The following HPSE2 variants were observed in gnomAD, a reference collection of about 807,000 sequenced individuals.
HPSE2 encodes inactive heparanase-2.
A neutral mutation model predicts 60.5 loss-of-function variants in HPSE2; 38 were observed. That is an observed-to-expected ratio of 0.63 (90% CI 0.48 to 0.82). HPSE2 has a LOEUF of 0.82. HPSE2 is among the 40% of genes least tolerant of loss of function. HPSE2 has a pLI of 0.00. For synonymous variants in HPSE2, 295 were observed against 293.2 expected (o/e 1.01, Z -0.06); for missense variants, 713 against 740.4 (o/e 0.96, Z 0.43).
chr10:99,230,151 T>C (rs1420933232), intron 2 of HPSE2, among the ~76,000 whole-genome samples: 1 of 152,194 alleles, frequency 6.6e-6, no homozygotes, highest in East Asian at 1.9e-4. Context: ...AACAGATTAG[T>C]GTCTGGAAGG....
chr10:99,261,917 T>C, the HPSE2 span, among the ~76,000 whole-genome samples: 3 of 152,160 alleles, frequency 2.0e-5, no homozygotes, highest in South Asian at 4.1e-4. Context: ...CCGGGATTTC[T>C]CCTCAGCTGT....
At chr10:98,578,957 T>C (rs889647873) in intron 9 of HPSE2, among the ~76,000 whole-genome samples, 1 of 152,192 alleles carries the variant, frequency 6.6e-6, no homozygotes, top group Non-Finnish European at 1.5e-5. Context: ...CTGAGAGCCA[T>C]TGAAAAAAGA....
chr10:99,058,964 G>A (rs1958174162), intron 3 of HPSE2, among the ~76,000 whole-genome samples: 1 of 152,144 alleles, frequency 6.6e-6, no homozygotes, highest in African/African-American at 2.4e-5. Flanking sequence ...CAACTTTGCT[G>A]TTGTAGCATA....
chr10:99,028,572 T>C (rs1957429064), intron 3 of HPSE2, among the ~76,000 whole-genome samples: 1 of 152,206 alleles, frequency 6.6e-6, no homozygotes, highest in Admixed American at 6.5e-5. Context: ...AAGCAATTTA[T>C]AGATTCTATG....
At chr10:99,185,651 T>G (rs1847977264) in intron 2 of HPSE2, among the ~76,000 whole-genome samples, 1 of 149,090 alleles carries the variant, frequency 6.7e-6, no homozygotes, top group Non-Finnish European at 1.5e-5. Flanking sequence ...GCGGGTGTCT[T>G]TAGTCCCAGC....
At chr10:99,215,901 G>A (rs1406076602) in intron 2 of HPSE2, among the ~76,000 whole-genome samples, 1 of 152,220 alleles carries the variant, frequency 6.6e-6, no homozygotes, top group Non-Finnish European at 1.5e-5. Context: ...TGTATAGGAT[G>A]TGAATTCTAT....
the HPSE2 span, among the ~76,000 whole-genome samples, chr10:99,249,873 G>T: frequency 1.3e-5 from 2 of 152,116 alleles, no homozygotes; most frequent in Admixed American, 1.3e-4. Context: ...GCCAGGTGTG[G>T]TGACTCATGC....
intron 3 of HPSE2, among the ~76,000 whole-genome samples, chr10:99,078,625 T>C (rs934843403): frequency 6.6e-6 from 1 of 152,198 alleles, no homozygotes; most frequent in African/African-American, 2.4e-5. Flanking sequence ...CTGTCATTGG[T>C]TGAATCCATG....
intron 6 of HPSE2, among the ~76,000 whole-genome samples, chr10:98,665,400 A>AG (rs1947335862): frequency 6.6e-6 from 1 of 152,192 alleles, no homozygotes. Flanking sequence ...CAATCTCTCT[A>AG]GGGATGTGGA....
At chr10:99,053,578 A>G (rs1377812409) in intron 3 of HPSE2, among the ~76,000 whole-genome samples, 1 of 152,108 alleles carries the variant, frequency 6.6e-6, no homozygotes, top group Non-Finnish European at 1.5e-5. Context: ...AAACTTGAAC[A>G]AAATATTTGC....
chr10:98,945,604 T>G (rs1328798296), intron 3 of HPSE2, among the ~76,000 whole-genome samples: 1 of 152,176 alleles, frequency 6.6e-6, no homozygotes, highest in Non-Finnish European at 1.5e-5. Flanking sequence ...AAAAGCAGAA[T>G]AGAAAGTGAG....
rs1338635781 is a variant in HPSE2 at position 98,962,367 on chromosome 10, A to G, written c.610+181871T>C. Among the ~76,000 whole-genome samples, 6 of 150,612 alleles carry G rather than the reference A, an allele frequency of 4.0e-5. No individual in the cohort carries two copies. In the East Asian group the frequency reaches 9.9e-4, roughly 25 times the overall value. On this transcript the variant is annotated intron_variant, in intron 3 of 11. Transcript: ENST00000370552. ...CATTTTCACGATATTGATTCTTCCT[A>G]CCCATGAGCATGGAATGTTCTTCCA...
intron 6 of HPSE2, among the ~76,000 whole-genome samples, chr10:98,645,925 A>T (rs572303947): frequency 2.6e-5 from 4 of 152,288 alleles, no homozygotes; most frequent in African/African-American, 9.6e-5. Context: ...CAGTGAGCCG[A>T]GATTGTGCCA....
At chr10:99,145,536 T>C (rs1469814914) in intron 2 of HPSE2, among the ~76,000 whole-genome samples, 2 of 152,142 alleles carry the variant, frequency 1.3e-5, no homozygotes, top group Non-Finnish European at 1.5e-5. Flanking sequence ...ATTAATTTTT[T>C]ACAAATTAAA....
chr10:99,083,654 G>A (rs998709758), intron 3 of HPSE2, among the ~76,000 whole-genome samples: 10 of 152,228 alleles, frequency 6.6e-5, no homozygotes, highest in African/African-American at 2.2e-4. Flanking sequence ...CAGGGGGCAC[G>A]GGGAGATGGG....
chr10:99,245,964 C>T, the HPSE2 span, among the ~76,000 whole-genome samples: 3 of 152,116 alleles, frequency 2.0e-5, no homozygotes, highest in African/African-American at 7.2e-5. Context: ...TACATATGTA[C>T]ATAAAATAGG....
chr10:98,500,009 C>T (rs1218000866), intron 9 of HPSE2, among the ~76,000 whole-genome samples: 1 of 152,044 alleles, frequency 6.6e-6, no homozygotes, highest in African/African-American at 2.4e-5. Flanking sequence ...ACTGGAACTC[C>T]CAAATTTATA....
intron 9 of HPSE2, among the ~76,000 whole-genome samples, chr10:98,602,382 G>A (rs941957649): frequency 1.2e-4 from 19 of 152,160 alleles, no homozygotes; most frequent in African/African-American, 1.9e-4. Context: ...GGCTTTGGAA[G>A]GGCTGAAAAC....
intron 3 of HPSE2, among the ~76,000 whole-genome samples, chr10:98,895,365 G>T (rs1590032442): frequency 6.6e-6 from 1 of 152,056 alleles, no homozygotes; most frequent in African/African-American, 2.4e-5. Context: ...GAGTTTCTAT[G>T]ATCACAGTAG....
Sources: gnomAD v4.1 joint callset for allele counts (sites outside exome capture counted in the v4.1 genomes callset) on GRCh38, gnomAD v4.1.1 for gene constraint, MANE v1.5 for transcripts, NCBI Gene and HGNC (gene_info 2026-07-23, HGNC 2026-07-21) for gene names.